Variants in EVI5 observed in about 807,000 individuals in gnomAD.
EVI5 encodes the protein ecotropic viral integration site 5.
Under a neutral mutation model 112.0 loss-of-function variants are expected in EVI5, and 73 were observed. The observed-to-expected ratio is 0.65, with a 90% confidence interval of 0.54 to 0.79. EVI5 has a LOEUF of 0.79. Among genes scored for constraint, EVI5 ranks in the 30% least tolerant of loss-of-function variants. The pLI is 0.00. For synonymous variants in EVI5, 305 were observed against 319.9 expected, an observed-to-expected ratio of 0.95 and a Z score of 0.50; for missense variants, 900 against 968.8, an observed-to-expected ratio of 0.93 and a Z score of 0.94.
intron 19 of EVI5, among the ~76,000 whole-genome samples, chr1:92,529,638 G>T (rs372807024): frequency 6.6e-6 from 1 of 152,070 alleles, no homozygotes; most frequent in Admixed American, 6.6e-5. Context: ...ATCAAATATG[G>T]CTCCACATTT....
At chr1:92,574,993 G>A (rs371652463) in intron 18 of EVI5, among the ~76,000 whole-genome samples, 3 of 152,234 alleles carry the variant, frequency 2.0e-5, no homozygotes, top group African/African-American at 7.2e-5. Context: ...TATTTTTTGA[G>A]CATTTAATCA....
intron 1 of EVI5, among the ~76,000 whole-genome samples, chr1:92,781,619 T>G (rs1231992557): frequency 6.6e-6 from 1 of 151,968 alleles, no homozygotes; most frequent in East Asian, 1.9e-4. Flanking sequence ...GCAGTAACCA[T>G]AAAGGACAAG....
At position 92,722,370 on chromosome 1, in the gene EVI5, T is replaced by C. The variant is rs554017455; in HGVS notation, c.149+14028A>G. On this transcript the variant is annotated intron_variant, in intron 2 of 19. Transcript: ENST00000684568. ...AGGGTACATGTGCACAACGTGCAGG[T>C]TTGTTATATATGTATACATGAGCCA... is the stretch of plus-strand genomic sequence containing the variant. Among the ~76,000 whole-genome samples the C allele has an allele frequency of 1.1e-4, 16 of 152,158 alleles. 1 individual carries two copies. The highest frequency in any genetic ancestry group is 1.0e-3 in the Admixed American group (16 of 15,274).
intron 1 of EVI5, among the ~76,000 whole-genome samples, chr1:92,758,093 A>G (rs957595333): frequency 1.3e-5 from 2 of 152,170 alleles, no homozygotes; most frequent in African/African-American, 4.8e-5. Flanking sequence ...TAGGTAAAGA[A>G]TAGGATATAC....
chr1:92,583,274 T>C (rs751473870), intron 18 of EVI5, among the ~76,000 whole-genome samples: 4 of 151,976 alleles, frequency 2.6e-5, no homozygotes, highest in Admixed American at 6.6e-5. Context: ...TCTGGGAGGC[T>C]GAGGTGGGTG....
At chr1:92,735,262 T>C (rs556288176) in intron 2 of EVI5, among the ~76,000 whole-genome samples, 2 of 152,308 alleles carry the variant, frequency 1.3e-5, no homozygotes, top group Non-Finnish European at 2.9e-5. Context: ...AACATGACTT[T>C]CAAAATTATG....
intron 18 of EVI5, among the ~76,000 whole-genome samples, chr1:92,601,488 A>G (rs552125684): frequency 6.6e-6 from 1 of 152,338 alleles, no homozygotes; most frequent in South Asian, 2.1e-4. Flanking sequence ...GAATAAAGAA[A>G]AAGTGGTTTA....
intron 10 of EVI5, among the ~76,000 whole-genome samples, chr1:92,670,692 T>C (rs1031280207): frequency 6.6e-6 from 1 of 152,174 alleles, no homozygotes; most frequent in African/African-American, 2.4e-5. Context: ...TAGGTCACTA[T>C]TTCATACCTA....
chr1:92,728,798 G>A (rs574034587), intron 2 of EVI5, among the ~76,000 whole-genome samples: 3 of 152,276 alleles, frequency 2.0e-5, no homozygotes, highest in South Asian at 2.1e-4. Context: ...TGAGCAGCAC[G>A]ATGAAATCTC....
At chr1:92,777,580 T>C (rs1330679064) in intron 1 of EVI5, among the ~76,000 whole-genome samples, 1 of 152,182 alleles carries the variant, frequency 6.6e-6, no homozygotes, top group Non-Finnish European at 1.5e-5. Flanking sequence ...CTCTACCTCC[T>C]GACACTCTTT....
chr1:92,535,830 G>C (rs1473036027), intron 19 of EVI5, among the ~76,000 whole-genome samples: 1 of 151,938 alleles, frequency 6.6e-6, no homozygotes, highest in Non-Finnish European at 1.5e-5. Flanking sequence ...GATGGGTGCA[G>C]CAAACCACCA....
chr1:92,698,453 G>T (rs990859762), intron 5 of EVI5, among the ~76,000 whole-genome samples: 3 of 152,166 alleles, frequency 2.0e-5, no homozygotes, highest in African/African-American at 7.2e-5. Context: ...TATTGATATA[G>T]ATCAGGAAAG....
intron 18 of EVI5, among the ~76,000 whole-genome samples, chr1:92,586,647 T>C (rs1175151091): frequency 2.0e-5 from 3 of 147,526 alleles, no homozygotes; most frequent in South Asian, 2.2e-4. Context: ...TGTGTGCATT[T>C]TGAGTACTTC....
intron 14 of EVI5, among the ~76,000 whole-genome samples, chr1:92,630,438 A>G (rs1447971588): frequency 6.6e-6 from 1 of 152,036 alleles, no homozygotes; most frequent in Non-Finnish European, 1.5e-5. Context: ...GCATTTTTTC[A>G]TGTGTCTTTT....
chr1:92,541,080 A>G (rs1390813237), intron 19 of EVI5, among the ~76,000 whole-genome samples: 2 of 152,216 alleles, frequency 1.3e-5, no homozygotes, highest in East Asian at 3.8e-4. Context: ...TCTCAAAAAA[A>G]CAAAAAACAA....
At chr1:92,548,408 A>G (rs1666173373) in intron 19 of EVI5, among the ~76,000 whole-genome samples, 1 of 152,206 alleles carries the variant, frequency 6.6e-6, no homozygotes, top group South Asian at 2.1e-4. Context: ...ATGGACAAAA[A>G]CTGGAAGCAT....
intron 3 of EVI5, 168 bp from the exon 4 acceptor site, chr1:92,703,787 T>C (rs1244284759): frequency 1.2e-5 from 7 of 575,430 alleles, no homozygotes; most frequent in African/African-American, 9.8e-5. Context: ...AAGGGTAAGA[T>C]TGGGCCCTGG....
intron 10 of EVI5, among the ~76,000 whole-genome samples, chr1:92,673,741 A>C (rs1005189903): frequency 6.6e-6 from 1 of 152,198 alleles, no homozygotes; most frequent in African/African-American, 2.4e-5. Flanking sequence ...TCACACGCAA[A>C]ATTTAAGATT....
chr1:92,524,186 A>G (rs72722475), intron 19 of EVI5, among the ~76,000 whole-genome samples: 16,272 of 151,584 alleles, frequency 0.11, 1,160 homozygotes, highest in Middle Eastern at 0.16. Context: ...ACTCTTGAAC[A>G]TATGAATTCA....
Sources: gnomAD v4.1 joint callset for allele counts (sites outside exome capture counted in the v4.1 genomes callset) on GRCh38, gnomAD v4.1.1 for gene constraint, MANE v1.5 for transcripts, NCBI Gene and HGNC (gene_info 2026-07-23, HGNC 2026-07-21) for gene names.